The following PPFIBP1 variants were observed in gnomAD, a reference collection of about 807,000 sequenced individuals.
PPFIBP1 encodes PPFIB scaffold protein 1.
In PPFIBP1, 112 loss-of-function variants were observed where a neutral mutation model predicts 137.8. The ratio of observed to expected loss-of-function variants is 0.81; its 90% CI spans 0.70 to 0.95. PPFIBP1 has a LOEUF of 0.95. Ranked by LOEUF, PPFIBP1 falls within the 40% of genes least tolerant of loss-of-function variation. The pLI, the probability that PPFIBP1 is intolerant of heterozygous loss-of-function variation, is 0.00. For missense variants in PPFIBP1, 1,083 were observed against 1,196.6 expected (o/e 0.91, Z 1.40); for synonymous variants, 378 against 417.3 (o/e 0.91, Z 1.15).
intron 18 of PPFIBP1, 139 bp downstream of exon 18, chr12:27,676,738 CA>C: frequency 1.2e-6 from 1 of 844,702 alleles, no homozygotes; most frequent in Non-Finnish European, 1.8e-6. Context: ...GGGAATTTAG[CA>C]AAAAATGCCT....
At chr12:27,591,305 T>C (rs1449913153) in intron 2 of PPFIBP1, among the ~76,000 whole-genome samples, 4 of 151,904 alleles carry the variant, frequency 2.6e-5, no homozygotes, top group African/African-American at 9.7e-5. Flanking sequence ...GGACGTTGAG[T>C]GAACCTGTGA....
chr12:27,610,036 C>T lies in PPFIBP1; in HGVS notation c.-35-23326C>T, dbSNP rs114798624. On this transcript the variant is annotated intron_variant, in intron 2 of 29. Transcript: ENST00000228425. ...TGCCCCTCCAGGTGAATGCAGCCCCCGAGCTGTGTGGATTGGATTTTGGTG... is the reference window on the plus strand; with the variant it reads ...TGCCCCTCCAGGTGAATGCAGCCCCTGAGCTGTGTGGATTGGATTTTGGTG... Among the ~76,000 whole-genome samples, 239 of 152,202 alleles carry T rather than the reference C, an allele frequency of 1.6e-3. 1 individual carries two copies. Among genetic ancestry groups the T allele is most frequent in the African/African-American group, 4.6e-3 (191 of 41,524 alleles).
chr12:27,597,200 T>G (rs2053417992), intron 2 of PPFIBP1, among the ~76,000 whole-genome samples: 1 of 152,140 alleles, frequency 6.6e-6, no homozygotes, highest in Non-Finnish European at 1.5e-5. Flanking sequence ...CAGAGTCTCG[T>G]TCTGTCGCCC....
intron 1 of PPFIBP1, among the ~76,000 whole-genome samples, chr12:27,555,286 CTT>C (rs2048622115): frequency 1.3e-5 from 2 of 152,228 alleles, no homozygotes; most frequent in South Asian, 2.1e-4. Context: ...GAAAGGCACT[CTT>C]TGCTGTGGCA....
rs73084325 is a variant in PPFIBP1, at chr12:27,640,705, A to G, written c.271-5357A>G. Among the ~76,000 whole-genome samples, 1,091 of 151,846 alleles carry G rather than the reference A, an allele frequency of 7.2e-3. 6 individuals carry two copies. Among genetic ancestry groups the G allele is most frequent in the Admixed American group, 0.012 (176 of 15,258 alleles). On this transcript the variant is annotated intron_variant, in intron 4 of 29. Coordinates refer to ENST00000228425, the MANE Select transcript of PPFIBP1 (RefSeq NM_003622.4). ...TTGCTTGGTTTCCAGCATCACTGATATCATGTTCTTTGACTCTTTGGACAG... is the reference window on the plus strand; with the variant it reads ...TTGCTTGGTTTCCAGCATCACTGATGTCATGTTCTTTGACTCTTTGGACAG...
chr12:27,589,391 C>A (rs1310144148), intron 2 of PPFIBP1, among the ~76,000 whole-genome samples: 3 of 152,156 alleles, frequency 2.0e-5, no homozygotes, highest in Non-Finnish European at 4.4e-5. Context: ...GCGATCCTTG[C>A]GCCTCGGCCT....
At chr12:27,534,886 G>A (rs1219297653) in intron 1 of PPFIBP1, among the ~76,000 whole-genome samples, 1 of 152,186 alleles carries the variant, frequency 6.6e-6, no homozygotes, top group African/African-American at 2.4e-5. Flanking sequence ...TAGGCTTGTG[G>A]CATTTCAGCA....
chr12:27,546,812 G>A (rs540154573), intron 1 of PPFIBP1, among the ~76,000 whole-genome samples: 16 of 152,156 alleles, frequency 1.1e-4, no homozygotes, highest in East Asian at 5.8e-4. Context: ...CCAGGAGTTC[G>A]AGACCAGCCT....
chr12:27,685,246 T>C (rs1334162872), intron 24 of PPFIBP1, among the ~76,000 whole-genome samples: 1 of 151,536 alleles, frequency 6.6e-6, no homozygotes, highest in Non-Finnish European at 1.5e-5. Context: ...CACATACACA[T>C]ATATGCATGT....
intron 1 of PPFIBP1, among the ~76,000 whole-genome samples, chr12:27,527,741 C>T (rs566490986): frequency 3.9e-5 from 6 of 151,958 alleles, no homozygotes; most frequent in Admixed American, 2.6e-4. Flanking sequence ...TCAGAGATTT[C>T]CTTAGAAAGT....
intron 1 of PPFIBP1, among the ~76,000 whole-genome samples, chr12:27,542,005 G>A (rs1487668360): frequency 6.6e-6 from 1 of 152,054 alleles, no homozygotes. Context: ...TCTTGGCACT[G>A]TGACTTTGTT....
rs551649562 is a variant in PPFIBP1 at position 27,592,436 on chromosome 12, T to C, written c.-36+14197T>C. On this transcript the variant is annotated intron_variant, in intron 2 of 29. Coordinates refer to ENST00000228425, the MANE Select transcript of PPFIBP1 (RefSeq NM_003622.4). ...CTATCTTATGGATTATTTTCAACTT[T>C]CCAAAAAGTTGAAAAATCTGTCTAT... The C allele has an allele frequency of 2.6e-3, 2,080 of 807,166 alleles. 13 individuals are homozygous for C. Among genetic ancestry groups the C allele is most frequent in the South Asian group, 7.8e-3 (386 of 49,288 alleles). 50.0% of individuals were successfully genotyped at this position (807,166 alleles called of 1,614,324 possible). A position where few individuals can be genotyped will look rare whatever the true frequency, so the allele number is the denominator to read the frequency against.
chr12:27,645,864 C>A (rs1397269522), intron 4 of PPFIBP1, among the ~76,000 whole-genome samples, 198 bp from the exon 5 acceptor site: 1 of 152,168 alleles, frequency 6.6e-6, no homozygotes, highest in African/African-American at 2.4e-5. Context: ...GCAAAACATG[C>A]CTATATGCTT....
intron 4 of PPFIBP1, among the ~76,000 whole-genome samples, chr12:27,642,680 A>T (rs1164433702): frequency 2.6e-5 from 4 of 152,178 alleles, no homozygotes; most frequent in Admixed American, 2.6e-4. Flanking sequence ...GTTATGAAAG[A>T]CAGATTGATC....
intron 2 of PPFIBP1, chr12:27,594,179 T>C: frequency 3.2e-6 from 1 of 311,846 alleles, no homozygotes; most frequent in East Asian, 6.4e-5. Context: ...TTTCTATTTT[T>C]TTTTTTTTTT....
intron 2 of PPFIBP1, among the ~76,000 whole-genome samples, chr12:27,609,790 T>C (rs1024761730): frequency 1.1e-4 from 16 of 152,212 alleles, no homozygotes; most frequent in Admixed American, 2.0e-4. Flanking sequence ...TTTCACTTCC[T>C]GAACTAAAGG....
chr12:27,682,749 T>C (rs750908648), intron 24 of PPFIBP1, 46 bp downstream of exon 24: 1 of 1,612,284 alleles, frequency 6.2e-7, no homozygotes, highest in African/African-American at 1.3e-5. Flanking sequence ...ACTTTTTTTC[T>C]CTGAAAAACA....
intron 1 of PPFIBP1, among the ~76,000 whole-genome samples, chr12:27,565,131 T>C (rs1048470677): frequency 2.6e-5 from 4 of 152,230 alleles, no homozygotes; most frequent in Non-Finnish European, 5.9e-5. Flanking sequence ...TCTCTAAGGA[T>C]GACATCACTA....
chr12:27,535,786 A>G (rs1272173953), intron 1 of PPFIBP1, among the ~76,000 whole-genome samples: 5 of 152,212 alleles, frequency 3.3e-5, no homozygotes, highest in Non-Finnish European at 5.9e-5. Context: ...TTGTTATGAG[A>G]ACAGTAGAAA....
Sources: allele counts gnomAD v4.1 joint callset (sites outside exome capture counted in the v4.1 genomes callset), GRCh38; gene constraint gnomAD v4.1.1; transcripts MANE v1.5; gene names NCBI Gene and HGNC (gene_info 2026-07-23, HGNC 2026-07-21).